RIOK1: variants seen among roughly 807,000 people sequenced by gnomAD.
RIOK1 encodes serine/threonine-protein kinase RIO1.
A neutral mutation model predicts 73.5 loss-of-function variants in RIOK1; 66 were observed. That is an observed-to-expected ratio of 0.90 (90% CI 0.74 to 1.10). The LOEUF is 1.10. Ranked by LOEUF, RIOK1 falls within the 50% of genes least tolerant of loss-of-function variation. RIOK1 has a pLI of 0.00. For synonymous variants in RIOK1, 224 were observed against 226.8 expected, an observed-to-expected ratio of 0.99 and a Z score of 0.11; for missense variants, 658 against 699.8, an observed-to-expected ratio of 0.94 and a Z score of 0.67.
Position 7,410,365 on chromosome 6 carries a change from C to G in RIOK1, c.1204-21C>G, listed in dbSNP as rs777348385. ...CTGCAGTTTGAATATAAAAGAAAGT[C>G]ATTTTTGTTTTCTTTCCAAGGCCAT... is the stretch of plus-strand genomic sequence containing the variant. On this transcript the variant is annotated intron_variant, in intron 12 of 16. Coordinates refer to ENST00000379834, the MANE Select transcript of RIOK1 (RefSeq NM_031480.3). 8 of 1,580,044 alleles carry G rather than the reference C, an allele frequency of 5.1e-6. No individual in the cohort carries two copies. The South Asian group carries it at 5.5e-5, about 11-fold the overall frequency.
At chr6:7,392,689 T>TC (rs954285895) in intron 1 of RIOK1, among the ~76,000 whole-genome samples, 4 of 152,076 alleles carry the variant, frequency 2.6e-5, no homozygotes, top group Non-Finnish European at 4.4e-5. Context: ...CAGCCTTTTT[T>TC]CCCCCTTTCT....
At chr6:7,400,840 A>G in intron 5 of RIOK1, 118 bp from the exon 6 acceptor site, 2 of 599,252 alleles carry the variant, frequency 3.3e-6, no homozygotes, top group Non-Finnish European at 5.9e-6. Context: ...ACTCTCATTT[A>G]GTCAACCAGG....
chr6:7,394,733 A>C (rs917476130), intron 2 of RIOK1, among the ~76,000 whole-genome samples: 5 of 152,216 alleles, frequency 3.3e-5, no homozygotes, highest in African/African-American at 7.2e-5. Context: ...GGGGTAAATG[A>C]ACATTCTCAA....
chr6:7,410,305 A>C, intron 12 of RIOK1, 81 bp from the exon 13 acceptor site: 1 of 976,126 alleles, frequency 1.0e-6, no homozygotes, highest in South Asian at 1.4e-5. Context: ...AGACTGGAAC[A>C]ATTTTATACC....
chr6:7,393,063 T>TATTGTTATGAAATAATAAAAC, intron 1 of RIOK1, 36 bp from the exon 2 acceptor site: 1 of 1,576,532 alleles, frequency 6.3e-7, no homozygotes, highest in Non-Finnish European at 8.7e-7. Flanking sequence ...TATGTGGAAA[T>TATTGTTATGAAATAATAAAAC]ATTGTTATGA....
intron 12 of RIOK1, among the ~76,000 whole-genome samples, chr6:7,405,886 A>G (rs771242695): frequency 3.3e-5 from 5 of 150,114 alleles, no homozygotes; most frequent in Non-Finnish European, 5.9e-5. Context: ...AAAGTTTGTG[A>G]AAGTTTAGCA....
chr6:7,409,900 T>C (rs1185152070), intron 12 of RIOK1, among the ~76,000 whole-genome samples: 1 of 152,164 alleles, frequency 6.6e-6, no homozygotes, highest in African/African-American at 2.4e-5. Context: ...TTTGGAATCT[T>C]TGTCACCCTC....
At chr6:7,394,888 T>C in intron 2 of RIOK1, 165 bp from the exon 3 acceptor site, 1 of 977,914 alleles carries the variant, frequency 1.0e-6, no homozygotes, top group East Asian at 2.7e-5. Context: ...TTTCAAATGC[T>C]CTTTAAAAAA....
chr6:7,411,280 A>G lies in RIOK1; in HGVS notation c.1270-52A>G, dbSNP rs372682223. 1.1e-5 allele frequency: 18 copies of G among 1,595,688 alleles called. No individual in the cohort carries two copies. The African/African-American group carries it at 2.3e-4, about 20-fold the overall frequency. On this transcript the variant is annotated intron_variant, in intron 13 of 16. Transcript: ENST00000379834. The stretch of plus-strand genomic sequence containing the variant: ...CCTGATGGAGGAGTATGCTGTGTGA[A>G]TGTGAGAAGTGTATGAATAACAGTT...
chr6:7,396,279 C>T (rs1031271279), intron 3 of RIOK1, among the ~76,000 whole-genome samples: 1 of 152,144 alleles, frequency 6.6e-6, no homozygotes, highest in Admixed American at 6.5e-5. Flanking sequence ...GCTGTCAATA[C>T]ATGCTAAATT....
At chr6:7,406,044 C>T (rs1217432979) in intron 12 of RIOK1, among the ~76,000 whole-genome samples, 1 of 150,984 alleles carries the variant, frequency 6.6e-6, no homozygotes, top group African/African-American at 2.4e-5. Flanking sequence ...GTCACGCAGG[C>T]TGGAACATAG....
At chr6:7,407,604 C>T (rs1457083550) in intron 12 of RIOK1, among the ~76,000 whole-genome samples, 1 of 152,066 alleles carries the variant, frequency 6.6e-6, no homozygotes. Context: ...CCTGCCTCAG[C>T]TGCTTCAGCC....
intron 6 of RIOK1, among the ~76,000 whole-genome samples, chr6:7,401,305 A>G (rs1561876633): frequency 6.6e-6 from 1 of 152,212 alleles, no homozygotes; most frequent in African/African-American, 2.4e-5. Context: ...CTGAGTTCTA[A>G]TAAAATAAAT....
At chr6:7,417,199 C>T in intron 16 of RIOK1, 132 bp from the exon 17 acceptor site, 1 of 527,544 alleles carries the variant, frequency 1.9e-6, no homozygotes, top group Non-Finnish European at 3.4e-6. Flanking sequence ...TGAAGTGAAC[C>T]ATGGTCACGC....
chr6:7,413,161 A>G (rs1024659698), intron 15 of RIOK1, among the ~76,000 whole-genome samples: 5 of 152,022 alleles, frequency 3.3e-5, no homozygotes, highest in African/African-American at 1.2e-4. Flanking sequence ...AAATTAATTT[A>G]TTTTTCTTTC....
At position 7,415,611 on chromosome 6, in the gene RIOK1, C is replaced by T. The variant is rs62386198; in HGVS notation, c.1596+1221C>T. On this transcript the variant is annotated intron_variant, in intron 16 of 16. Transcript: ENST00000379834. The stretch of plus-strand genomic sequence containing the variant: ...GGGTGAAAGACGTAAACAAAAACAT[C>T]TTCCAGTTGATGGCACCATGTTGCA... Among the ~76,000 whole-genome samples the T allele has an allele frequency of 8.5e-3, 1,296 of 152,318 alleles. 11 individuals are homozygous for T. Among genetic ancestry groups the T allele is most frequent in the Non-Finnish European group, 0.013 (897 of 68,034 alleles).
chr6:7,417,506 G>A lies in RIOK1; in HGVS notation c.*65G>A. 1 of 967,416 alleles carries A rather than the reference G, an allele frequency of 1.0e-6. No homozygotes were observed. Among genetic ancestry groups the A allele is most frequent in the Middle Eastern group, 2.1e-4 (1 of 4,658 alleles). 59.9% of individuals were successfully genotyped at this position (967,416 alleles called of 1,614,324 possible). A position where few individuals can be genotyped will look rare whatever the true frequency, so the allele number is the denominator to read the frequency against. On this transcript the variant is annotated 3_prime_UTR_variant, in exon 17 of 17. Transcript: ENST00000379834. ...CTTTTCTCGCCTGAACTCTTAAGCTGCATCTGGAAGATGGCTTATTGGTTT... is the reference window on the plus strand; with the variant it reads ...CTTTTCTCGCCTGAACTCTTAAGCTACATCTGGAAGATGGCTTATTGGTTT...
chr6:7,415,975 G>A (rs139753846), intron 16 of RIOK1, among the ~76,000 whole-genome samples: 1,543 of 152,278 alleles, frequency 0.01, 21 homozygotes, highest in African/African-American at 0.035. Flanking sequence ...TAGAAGCATA[G>A]TATATATAGG....
At position 7,410,383 on chromosome 6, in the gene RIOK1, A is replaced by G; in HGVS notation, c.1204-3A>G. 1 of 1,608,562 alleles carries G rather than the reference A, an allele frequency of 6.2e-7. No homozygotes were observed. The highest frequency in any genetic ancestry group is 8.5e-7 in the Non-Finnish European group (1 of 1,175,190). ...AGAAAGTCATTTTTGTTTTCTTTCCAAGGCCATGGAAATAGCATCTCAAAG... is the reference window on the plus strand; with the variant it reads ...AGAAAGTCATTTTTGTTTTCTTTCCGAGGCCATGGAAATAGCATCTCAAAG... On this transcript the variant is annotated splice_polypyrimidine_tract_variant and splice_region_variant and intron_variant, in intron 12 of 16. Coordinates refer to ENST00000379834, the MANE Select transcript of RIOK1 (RefSeq NM_031480.3).
Sources: gnomAD v4.1 joint callset for allele counts (sites outside exome capture counted in the v4.1 genomes callset) on GRCh38, gnomAD v4.1.1 for gene constraint, MANE v1.5 for transcripts, NCBI Gene and HGNC (gene_info 2026-07-23, HGNC 2026-07-21) for gene names.